RORA: variants seen among roughly 807,000 people sequenced by gnomAD.
The protein encoded by RORA is nuclear receptor ROR-alpha.
Under a neutral mutation model 69.5 loss-of-function variants are expected in RORA, and 7 were observed. The observed-to-expected ratio is 0.10, with a 90% confidence interval of 0.06 to 0.19. The LOEUF is 0.19. RORA is among the 10% of genes least tolerant of loss of function. The pLI, the probability that RORA is intolerant of heterozygous loss-of-function variation, is 1.00. For missense variants in RORA, 457 were observed against 663.0 expected (o/e 0.69, Z 3.41); for synonymous variants, 261 against 240.8 (o/e 1.08, Z -0.78).
chr15:60,631,970 G>A (rs1035620078), intron 2 of RORA, among the ~76,000 whole-genome samples: 5 of 152,162 alleles, frequency 3.3e-5, no homozygotes, highest in Admixed American at 3.3e-4. Flanking sequence ...AATAGAAGGT[G>A]GGTATACTTT....
rs117689698 is a variant in RORA, at chr15:60,725,090, C to T, written c.167-46404G>A. ...CAAGGAAAAAGGTCTTTCTGATTAG[C>T]GATTATAAAATTGACTTAATTTCAA... On this transcript the variant is annotated intron_variant, in intron 1 of 10. Transcript: ENST00000335670. 2.2e-3 allele frequency among the ~76,000 whole-genome samples: 333 copies of T among 152,310 alleles called. 1 individual carries two copies. Among genetic ancestry groups the T allele is most frequent in the Non-Finnish European group, 4.1e-3 (280 of 68,028 alleles).
At chr15:61,087,518 C>T (rs2078642321) in intron 1 of RORA, among the ~76,000 whole-genome samples, 1 of 152,188 alleles carries the variant, frequency 6.6e-6, no homozygotes, top group African/African-American at 2.4e-5. Flanking sequence ...AAAATTTATA[C>T]ATACCCATAT....
intron 1 of RORA, among the ~76,000 whole-genome samples, chr15:60,961,925 C>T (rs1484919130): frequency 2.6e-5 from 4 of 152,136 alleles, no homozygotes; most frequent in Non-Finnish European, 5.9e-5. Context: ...CACGGAAGGC[C>T]TGCGAATATA....
At chr15:61,007,897 A>G (rs1894962005) in intron 1 of RORA, among the ~76,000 whole-genome samples, 1 of 150,050 alleles carries the variant, frequency 6.7e-6, no homozygotes, top group Admixed American at 6.7e-5. Context: ...GATAATAGAA[A>G]TTATCCTAAT....
At chr15:60,748,896 C>T (rs534810799) in intron 1 of RORA, among the ~76,000 whole-genome samples, 11 of 152,228 alleles carry the variant, frequency 7.2e-5, no homozygotes, top group Admixed American at 2.6e-4. Context: ...TTCCAGTACA[C>T]GGAGGAACTC....
At chr15:60,722,863 G>A (rs1334943419) in intron 1 of RORA, among the ~76,000 whole-genome samples, 2 of 152,088 alleles carry the variant, frequency 1.3e-5, no homozygotes, top group East Asian at 1.9e-4. Context: ...CCCTCTCCAC[G>A]TCTCACAAAC....
At chr15:60,708,704 C>T (rs1253870211) in intron 1 of RORA, among the ~76,000 whole-genome samples, 3 of 152,208 alleles carry the variant, frequency 2.0e-5, no homozygotes, top group Non-Finnish European at 4.4e-5. Context: ...CACTTTCCCC[C>T]CAACCCTGTT....
At chr15:60,986,810 A>G (rs1894216972) in intron 1 of RORA, among the ~76,000 whole-genome samples, 2 of 152,250 alleles carry the variant, frequency 1.3e-5, no homozygotes. Context: ...AGGATTGTAG[A>G]AGTACGGACC....
chr15:60,506,314 A>G (rs1226707882), intron 5 of RORA, among the ~76,000 whole-genome samples: 2 of 152,198 alleles, frequency 1.3e-5, no homozygotes, highest in African/African-American at 4.8e-5. Flanking sequence ...GAGAATTAAA[A>G]GAGTTGAGCC....
intron 1 of RORA, among the ~76,000 whole-genome samples, chr15:60,814,537 T>C (rs903822826): frequency 2.0e-5 from 3 of 152,080 alleles, no homozygotes; most frequent in Admixed American, 6.6e-5. Context: ...ATGCCCAACA[T>C]AGTCCCCGGG....
At chr15:60,746,742 A>G (rs2071653928) in intron 1 of RORA, among the ~76,000 whole-genome samples, 1 of 152,226 alleles carries the variant, frequency 6.6e-6, no homozygotes, top group African/African-American at 2.4e-5. Flanking sequence ...GTACAATTAC[A>G]TGGATACTTC....
chr15:61,142,930 A>G (rs954404020), intron 1 of RORA, among the ~76,000 whole-genome samples: 2 of 152,202 alleles, frequency 1.3e-5, no homozygotes, highest in Non-Finnish European at 2.9e-5. Context: ...TGATACCCTA[A>G]GAGGCATTCC....
intron 2 of RORA, chr15:60,592,577 C>T: frequency 6.5e-6 from 8 of 1,227,068 alleles, no homozygotes; most frequent in Non-Finnish European, 8.1e-6. Context: ...ATGTGACCGG[C>T]TGACATCACG....
intron 2 of RORA, among the ~76,000 whole-genome samples, chr15:60,604,098 A>G (rs1001142958): frequency 7.0e-6 from 1 of 143,478 alleles, no homozygotes; most frequent in Admixed American, 7.6e-5. Context: ...GCACCACTGC[A>G]CTCCAGCCTG....
intron 1 of RORA, among the ~76,000 whole-genome samples, chr15:60,724,569 A>G (rs1174280499): frequency 6.6e-6 from 1 of 152,032 alleles, no homozygotes; most frequent in South Asian, 2.1e-4. Context: ...CTATTGTTTG[A>G]CTTTAGGACT....
At chr15:60,927,112 G>C (rs1892242147) in intron 1 of RORA, among the ~76,000 whole-genome samples, 3 of 150,194 alleles carry the variant, frequency 2.0e-5, no homozygotes, top group Admixed American at 6.6e-5. Context: ...CCAAACAGTT[G>C]AAATGAATTT....
At chr15:60,628,586 A>G (rs1041475671) in intron 2 of RORA, among the ~76,000 whole-genome samples, 2 of 152,120 alleles carry the variant, frequency 1.3e-5, no homozygotes, top group Non-Finnish European at 2.9e-5. Context: ...AGGCTTGGTT[A>G]TTTTTAAACA....
chr15:60,801,353 A>C (rs2072578600), intron 1 of RORA, among the ~76,000 whole-genome samples: 1 of 152,196 alleles, frequency 6.6e-6, no homozygotes, highest in Non-Finnish European at 1.5e-5. Context: ...TTATATAAGG[A>C]ACGAATGCTG....
chr15:60,889,696 C>T (rs1478625082), intron 1 of RORA, among the ~76,000 whole-genome samples: 1 of 152,190 alleles, frequency 6.6e-6, no homozygotes, highest in Non-Finnish European at 1.5e-5. Flanking sequence ...GATACACAAT[C>T]CCCCAAGTTA....
Sources: allele counts gnomAD v4.1 joint callset (sites outside exome capture counted in the v4.1 genomes callset), GRCh38; gene constraint gnomAD v4.1.1; transcripts MANE v1.5; gene names NCBI Gene and HGNC (gene_info 2026-07-23, HGNC 2026-07-21).